KCNMA1: variants seen among roughly 807,000 people sequenced by gnomAD.
The protein encoded by KCNMA1 is potassium calcium-activated channel subfamily M alpha 1.
Under a neutral mutation model 140.0 loss-of-function variants are expected in KCNMA1, and 29 were observed. The ratio of observed to expected loss-of-function variants is 0.21; its 90% CI spans 0.15 to 0.28. KCNMA1 has a LOEUF of 0.28. Ranked by LOEUF, KCNMA1 falls within the 10% of genes least tolerant of loss-of-function variation. KCNMA1 has a pLI of 1.00. For synonymous variants in KCNMA1, 612 were observed against 611.9 expected (o/e 1.00, Z 0.00); for missense variants, 880 against 1,602.2 (o/e 0.55, Z 7.70).
intron 23 of KCNMA1, among the ~76,000 whole-genome samples, chr10:76,926,716 C>G (rs1016249442): frequency 1.3e-5 from 2 of 152,192 alleles, no homozygotes; most frequent in Non-Finnish European, 2.9e-5. Flanking sequence ...TCAGGAATGT[C>G]TGTGGAGTCA....
At chr10:76,872,060 C>CCTATT (rs1411598064) in exon 28 of KCNMA1, 2 of 152,170 alleles carry the variant, frequency 1.3e-5, no homozygotes, top group Admixed American at 1.3e-4. Flanking sequence ...TTTGGCAGTT[C>CCTATT]TGGACTATTA....
At chr10:77,107,499 T>C (rs549867188) in intron 9 of KCNMA1, among the ~76,000 whole-genome samples, 132 of 152,298 alleles carry the variant, frequency 8.7e-4, no homozygotes, top group Admixed American at 1.7e-3. Flanking sequence ...AAATAAAGGA[T>C]GGCTGCTGCC....
At chr10:76,874,583 C>T (rs781519959), downstream of KCNMA1, 16 of 152,180 alleles carry the variant, frequency 1.1e-4, no homozygotes, top group Non-Finnish European at 1.6e-4. Context: ...CTCCTTTCAA[C>T]ATGAAAAAGT....
chr10:77,364,614 A>ATAG (rs1603421742), intron 2 of KCNMA1, among the ~76,000 whole-genome samples: 1 of 152,232 alleles, frequency 6.6e-6, no homozygotes, highest in East Asian at 1.9e-4. Flanking sequence ...CTTATAAGTC[A>ATAG]TAGAATCAGT....
rs180986717 is a variant in KCNMA1, at chr10:76,924,626, G to A, written c.2903-9577C>T. On this transcript the variant is annotated intron_variant, in intron 23 of 27. Coordinates refer to ENST00000286628, the MANE Select transcript of KCNMA1 (RefSeq NM_001161352.2). ...TGGTTCATCTGTAAGGGTCTGACAG[G>A]TCTTTGAACATCCACTTGATTTGGC... Among the ~76,000 whole-genome samples the A allele has an allele frequency of 2.6e-4, 39 of 152,294 alleles. No homozygotes were observed. The East Asian group carries it at 7.5e-3, about 29-fold the overall frequency.
chr10:77,070,337 G>C (rs1381490721), intron 14 of KCNMA1, among the ~76,000 whole-genome samples: 1 of 152,030 alleles, frequency 6.6e-6, no homozygotes, highest in African/African-American at 2.4e-5. Flanking sequence ...AAATTAAAAA[G>C]CCCAGTGGAT....
At chr10:76,887,805 A>G (rs1246461134) in intron 27 of KCNMA1, 19 of 437,028 alleles carry the variant, frequency 4.3e-5, no homozygotes, top group South Asian at 3.7e-4. Context: ...CTTTCTATAC[A>G]AGGTCAAAGT....
At chr10:77,322,430 A>G (rs2082620721) in intron 2 of KCNMA1, among the ~76,000 whole-genome samples, 1 of 152,236 alleles carries the variant, frequency 6.6e-6, no homozygotes, top group Admixed American at 6.5e-5. Context: ...AGACAAGAGG[A>G]TACAGAACAC....
At chr10:76,986,228 C>A (rs2081242829) in intron 19 of KCNMA1, among the ~76,000 whole-genome samples, 1 of 152,224 alleles carries the variant, frequency 6.6e-6, no homozygotes, top group African/African-American at 2.4e-5. Flanking sequence ...ACAACAACAA[C>A]AACAAAATAA....
chr10:77,130,928 C>T (rs1359939582), intron 5 of KCNMA1, among the ~76,000 whole-genome samples: 1 of 151,958 alleles, frequency 6.6e-6, no homozygotes, highest in Non-Finnish European at 1.5e-5. Flanking sequence ...TTAAAAATGT[C>T]TTTGGTCAAT....
chr10:77,070,631 G>A (rs1453876086), intron 14 of KCNMA1, among the ~76,000 whole-genome samples: 2 of 152,114 alleles, frequency 1.3e-5, no homozygotes, highest in Non-Finnish European at 2.9e-5. Flanking sequence ...GGAGAAGGAA[G>A]CAATTTCTGT....
chr10:77,019,474 T>C (rs2092577227), intron 16 of KCNMA1: 2 of 251,032 alleles, frequency 8.0e-6, no homozygotes, highest in Non-Finnish European at 1.6e-5. Flanking sequence ...GAAGCATTAT[T>C]GGCCTGATGA....
chr10:77,539,861 C>T (rs1477872665), intron 1 of KCNMA1, among the ~76,000 whole-genome samples: 1 of 152,176 alleles, frequency 6.6e-6, no homozygotes, highest in African/African-American at 2.4e-5. Flanking sequence ...TTGCAGCTAC[C>T]TGATGGTACA....
intron 23 of KCNMA1, among the ~76,000 whole-genome samples, chr10:76,924,256 A>G (rs998589314): frequency 6.6e-6 from 1 of 152,208 alleles, no homozygotes; most frequent in African/African-American, 2.4e-5. Flanking sequence ...ATAATGCAGA[A>G]AAACATTTCA....
intron 1 of KCNMA1, among the ~76,000 whole-genome samples, chr10:77,494,386 C>T (rs762831318): frequency 1.3e-5 from 2 of 152,220 alleles, no homozygotes; most frequent in Non-Finnish European, 2.9e-5. Flanking sequence ...AGCCTCAGCA[C>T]ACACATTCCC....
intron 2 of KCNMA1, among the ~76,000 whole-genome samples, chr10:77,330,415 T>C (rs1272465304): frequency 1.3e-5 from 2 of 152,186 alleles, no homozygotes; most frequent in Non-Finnish European, 1.5e-5. Context: ...CCAAGGTTAG[T>C]ATCTCCATTG....
intron 2 of KCNMA1, among the ~76,000 whole-genome samples, chr10:77,356,814 C>G (rs990616055): frequency 1.3e-5 from 2 of 152,098 alleles, no homozygotes; most frequent in Non-Finnish European, 2.9e-5. Flanking sequence ...TGATATCCAC[C>G]CAGGTTTGCT....
chr10:76,972,090 C>T (rs2076263957), intron 19 of KCNMA1, among the ~76,000 whole-genome samples: 1 of 152,050 alleles, frequency 6.6e-6, no homozygotes, highest in Non-Finnish European at 1.5e-5. Flanking sequence ...TTAATATGGG[C>T]CACTTGCAAT....
At chr10:77,597,113 G>A (rs559483657) in intron 1 of KCNMA1, among the ~76,000 whole-genome samples, 1 of 152,264 alleles carries the variant, frequency 6.6e-6, no homozygotes, top group South Asian at 2.1e-4. Context: ...ACATATATGA[G>A]ATGTAGTGGA....
Sources: allele counts gnomAD v4.1 joint callset (sites outside exome capture counted in the v4.1 genomes callset), GRCh38; gene constraint gnomAD v4.1.1; transcripts MANE v1.5; gene names NCBI Gene and HGNC (gene_info 2026-07-23, HGNC 2026-07-21).